Variants in PCDH9 observed in about 807,000 individuals in gnomAD.
PCDH9 encodes the protein protocadherin 9.
In PCDH9, 24 loss-of-function variants were observed where a neutral mutation model predicts 70.6. That is an observed-to-expected ratio of 0.34 (90% CI 0.25 to 0.48). The LOEUF (loss-of-function observed/expected upper bound fraction) is 0.48, where lower values mean the gene tolerates loss of function less well. PCDH9 is among the 20% of genes least tolerant of loss of function. The pLI is 0.99. For missense variants in PCDH9, 1,281 were observed against 1,503.6 expected (o/e 0.85, Z 2.45); for synonymous variants, 562 against 558.5 (o/e 1.01, Z -0.09).
intron 2 of PCDH9, among the ~76,000 whole-genome samples, chr13:66,909,701 G>A (rs545366036): frequency 1.1e-3 from 173 of 152,250 alleles, no homozygotes; most frequent in South Asian, 2.1e-3. Flanking sequence ...CCTGGGAGGC[G>A]GAGCTTGCAG....
intron 2 of PCDH9, among the ~76,000 whole-genome samples, chr13:67,107,736 T>C (rs1325754425): frequency 2.0e-5 from 3 of 152,158 alleles, no homozygotes. Flanking sequence ...ACCTGCCAAA[T>C]GGCAGGACTG....
intron 2 of PCDH9, among the ~76,000 whole-genome samples, chr13:67,114,531 T>G (rs2086722258): frequency 6.6e-6 from 1 of 152,212 alleles, no homozygotes; most frequent in Non-Finnish European, 1.5e-5. Context: ...ATAAATGGAA[T>G]GAGACAAATG....
intron 2 of PCDH9, among the ~76,000 whole-genome samples, chr13:66,932,346 T>C (rs1038402879): frequency 2.6e-5 from 4 of 152,206 alleles, no homozygotes; most frequent in Admixed American, 6.5e-5. Context: ...ATAAATCACT[T>C]TGAAGAAACG....
intron 2 of PCDH9, chr13:67,212,070 C>G (rs2089480058): frequency 1.3e-5 from 2 of 152,044 alleles, no homozygotes; most frequent in African/African-American, 4.8e-5. Context: ...CTAATCTCAT[C>G]TAGTAAAAAA....
At chr13:66,834,157 CTT>C (rs11431335) in intron 3 of PCDH9, among the ~76,000 whole-genome samples, 10 of 124,526 alleles carry the variant, frequency 8.0e-5, no homozygotes, top group Admixed American at 8.6e-5. Context: ...TACCTATGGT[CTT>C]TTTTTTTTTT....
intron 2 of PCDH9, among the ~76,000 whole-genome samples, chr13:67,199,895 G>C (rs1183030417): frequency 2.6e-5 from 4 of 151,936 alleles, no homozygotes; most frequent in Non-Finnish European, 5.9e-5. Flanking sequence ...CAAGCTGATG[G>C]TATTTTCATT....
At chr13:66,688,850 T>TA (rs2078442110) in intron 3 of PCDH9, among the ~76,000 whole-genome samples, 1 of 152,184 alleles carries the variant, frequency 6.6e-6, no homozygotes, top group Non-Finnish European at 1.5e-5. Flanking sequence ...ATGGCATACA[T>TA]AGCAAGACAT....
intron 3 of PCDH9, among the ~76,000 whole-genome samples, chr13:66,730,894 T>TTTTTTTTG (rs2079069604): frequency 1.0e-5 from 1 of 96,802 alleles, no homozygotes; most frequent in Non-Finnish European, 2.0e-5. Flanking sequence ...TTTGTTTGTT[T>TTTTTTTTG]CTTTTTTTTT....
At chr13:66,557,795 T>C (rs1190081468) in intron 4 of PCDH9, among the ~76,000 whole-genome samples, 2 of 152,144 alleles carry the variant, frequency 1.3e-5, no homozygotes, top group Non-Finnish European at 2.9e-5. Context: ...AGAGTACTTA[T>C]CAAGACTGGG....
chr13:66,922,959 T>C (rs1432842710), intron 2 of PCDH9, among the ~76,000 whole-genome samples: 5 of 151,476 alleles, frequency 3.3e-5, no homozygotes, highest in African/African-American at 4.8e-5. Flanking sequence ...TTTCACTTTG[T>C]ATTTACATAT....
chr13:66,953,201 A>G (rs1157006181), intron 2 of PCDH9, among the ~76,000 whole-genome samples: 2 of 148,130 alleles, frequency 1.4e-5, no homozygotes, highest in Middle Eastern at 3.5e-3. Context: ...ACTAGTCCAT[A>G]TAACGTTCCA....
intron 2 of PCDH9, among the ~76,000 whole-genome samples, chr13:67,010,008 C>T (rs2084423748): frequency 1.3e-5 from 2 of 151,902 alleles, no homozygotes; most frequent in Non-Finnish European, 2.9e-5. Context: ...AACTACATAT[C>T]TGCTAATTAA....
At chr13:66,638,583 T>C (rs2077670344) in intron 3 of PCDH9, among the ~76,000 whole-genome samples, 1 of 152,168 alleles carries the variant, frequency 6.6e-6, no homozygotes, top group South Asian at 2.1e-4. Context: ...TTTTTTTTCA[T>C]CTAGAGAGTT....
In PCDH9 at chr13:67,227,879, A is replaced by G. The variant is rs1198509973; in HGVS notation, c.562T>C (p.Phe188Leu). Residue 188 changes from phenylalanine to leucine, a missense_variant, in exon 2 of 5, where the codon TTT (phenylalanine) becomes CTT (leucine). Transcript: ENST00000377865. This position sits in a 1 kb window ranked among gnomAD's most constrained non-coding sequence, Gnocchi z 4.6. ...GGAGTTTCCACGATATCCAGTCCAA[A>G]AACACTCTGCCCATTTAACAATTCA... ...HYELLNGQSV[F>L]GLDIVETPEG... 5 of 1,613,974 alleles carry G rather than the reference A, an allele frequency of 3.1e-6. No homozygotes were observed. The Admixed American group carries it at 8.3e-5, about 27-fold the overall frequency.
Position 66,402,739 on chromosome 13 carries a change from C to T in PCDH9, c.3341-97711G>A, listed in dbSNP as rs117560079. ...ATTTTGAACTGAAATCATGTTGACT[C>T]TTGACTTAGTCATGAAAAATAAACT... On this transcript the variant is annotated intron_variant, in intron 4 of 4. Coordinates refer to ENST00000377865, the MANE Select transcript of PCDH9 (RefSeq NM_203487.3). Among the ~76,000 whole-genome samples, 638 of 152,208 alleles carry T rather than the reference C, an allele frequency of 4.2e-3. 10 individuals are homozygous for T. The highest frequency in any genetic ancestry group is 0.035 in the Admixed American group (536 of 15,284).
chr13:66,634,928 G>C (rs935427949), intron 3 of PCDH9, among the ~76,000 whole-genome samples: 1 of 152,066 alleles, frequency 6.6e-6, no homozygotes, highest in African/African-American at 2.4e-5. Context: ...TGTGGGGTGG[G>C]AAAGACTAAA....
At chr13:66,519,853 C>T in intron 4 of PCDH9, among the ~76,000 whole-genome samples, 1 of 152,156 alleles carries the variant, frequency 6.6e-6, no homozygotes. Flanking sequence ...AGACTTTGAG[C>T]TTCTCTTCTT....
intron 3 of PCDH9, among the ~76,000 whole-genome samples, chr13:66,762,625 C>A (rs1448785887): frequency 6.6e-6 from 1 of 151,950 alleles, no homozygotes; most frequent in African/African-American, 2.4e-5. Context: ...GTTTCCTTAC[C>A]TCTTGTCAGG....
chr13:66,597,352 A>G (rs986841728), intron 4 of PCDH9, among the ~76,000 whole-genome samples: 1 of 151,904 alleles, frequency 6.6e-6, no homozygotes, highest in East Asian at 1.9e-4. Flanking sequence ...TACACTAATC[A>G]AAACAGGATG....
Sources: gnomAD v4.1 joint callset for allele counts (sites outside exome capture counted in the v4.1 genomes callset) on GRCh38, gnomAD v4.1.1 for gene constraint, Gnocchi (gnomAD v3.1) non-coding constraint, MANE v1.5 for transcripts, NCBI Gene and HGNC (gene_info 2026-07-23, HGNC 2026-07-21) for gene names.